The following UGT3A2 variants were observed in gnomAD, a reference collection of about 807,000 sequenced individuals.
The protein encoded by UGT3A2 is UDP glycosyltransferase family 3 member A2.
Under a neutral mutation model 39.8 loss-of-function variants are expected in UGT3A2, and 32 were observed. The observed-to-expected ratio is 0.80, with a 90% CI of 0.61 to 1.08. The LOEUF (loss-of-function observed/expected upper bound fraction) is 1.08. Ranked by LOEUF, UGT3A2 falls within the 50% of genes least tolerant of loss-of-function variation. The probability of loss-of-function intolerance (pLI) is 0.00; values close to 1 mark genes in which losing one functional copy is unlikely to be tolerated. For synonymous variants in UGT3A2, 241 were observed against 230.7 expected, an observed-to-expected ratio of 1.04 and a Z score of -0.40; for missense variants, 611 against 637.1, an observed-to-expected ratio of 0.96 and a Z score of 0.44.
chr5:36,049,228 A>T lies in UGT3A2; in HGVS notation c.504T>A (p.Thr168=). 1 of 1,614,212 alleles carries T rather than the reference A, an allele frequency of 6.2e-7. No individual in the cohort carries two copies. Among genetic ancestry groups the T allele is most frequent in the Non-Finnish European group, 8.5e-7 (1 of 1,180,028 alleles). ...LGKPFVAILS[T]SFGSLEFGLP... ...GCCCAAATTCCAAAGAGCCGAATGA[A>T]GTGGAAAGAATGGCCACAAATGGCT... Residue 168 remains threonine (T), a synonymous_variant, in exon 4 of 7, where the codon ACT becomes ACA. Transcript: ENST00000282507.
chr5:36,062,645 GTCTTGT>G (rs1742744994), intron 2 of UGT3A2, among the ~76,000 whole-genome samples: 1 of 152,068 alleles, frequency 6.6e-6, no homozygotes, highest in African/African-American at 2.4e-5. Flanking sequence ...GTTTACTGTA[GTCTTGT>G]AGTATAGTTT....
rs573022998 is a variant in UGT3A2 at position 36,035,216 on chromosome 5, A to G, written c.*482T>C. On this transcript the variant is annotated 3_prime_UTR_variant, in exon 7 of 7. Coordinates refer to ENST00000282507, the MANE Select transcript of UGT3A2 (RefSeq NM_174914.4). Reference sequence around the variant, plus strand: ...AGGCTTCCTGAGCATTGAAGAGAATATGTGGGAGAACAAAACAGAAACTGA... The same window carrying G: ...AGGCTTCCTGAGCATTGAAGAGAATGTGTGGGAGAACAAAACAGAAACTGA... 5.6e-6 allele frequency: 1 copy of G among 177,982 alleles called. No homozygotes were observed. The highest frequency in any genetic ancestry group is 1.3e-4 in the East Asian group (1 of 7,610). 11.0% of individuals were successfully genotyped at this position (177,982 alleles called of 1,614,324 possible). A position where few individuals can be genotyped will look rare whatever the true frequency, so the allele number is the denominator to read the frequency against.
chr5:36,041,332 A>T (rs1580998430), intron 4 of UGT3A2, among the ~76,000 whole-genome samples: 2 of 152,236 alleles, frequency 1.3e-5, no homozygotes, highest in Admixed American at 6.5e-5. Context: ...GGAAAGGTAG[A>T]GGCTTGAAAG....
At chr5:36,055,865 T>C (rs947511185) in intron 2 of UGT3A2, among the ~76,000 whole-genome samples, 3 of 152,360 alleles carry the variant, frequency 2.0e-5, no homozygotes, top group Admixed American at 1.3e-4. Flanking sequence ...GTCTGTGAGA[T>C]AGTGATGATC....
chr5:36,050,142 C>T (rs533160198), intron 3 of UGT3A2, among the ~76,000 whole-genome samples: 1 of 148,854 alleles, frequency 6.7e-6, no homozygotes, highest in Non-Finnish European at 1.5e-5. Context: ...TATTTGTTTA[C>T]TTATTTATAT....
At chr5:36,065,333 A>G (rs1473151988) in intron 1 of UGT3A2, among the ~76,000 whole-genome samples, 7 of 152,344 alleles carry the variant, frequency 4.6e-5, no homozygotes, top group Non-Finnish European at 8.8e-5. Context: ...CAAGGGACGT[A>G]TAAAGTACAA....
chr5:36,047,541 G>A (rs959513772), intron 4 of UGT3A2, among the ~76,000 whole-genome samples: 1 of 152,162 alleles, frequency 6.6e-6, no homozygotes, highest in African/African-American at 2.4e-5. Context: ...ATTCCAGCCA[G>A]CATACCACTT....
chr5:36,055,522 G>A (rs892808680), intron 2 of UGT3A2, among the ~76,000 whole-genome samples: 5 of 152,124 alleles, frequency 3.3e-5, no homozygotes, highest in African/African-American at 4.8e-5. Context: ...GTGAGCCACT[G>A]TGCCCGGCCT....
At chr5:36,048,411 A>C (rs777269065) in intron 4 of UGT3A2, among the ~76,000 whole-genome samples, 2 of 152,220 alleles carry the variant, frequency 1.3e-5, no homozygotes, top group African/African-American at 2.4e-5. Flanking sequence ...CTCTACAGGC[A>C]GGGAACCCTG....
At chr5:36,053,032 C>T (rs574348024) in intron 2 of UGT3A2, among the ~76,000 whole-genome samples, 43 of 152,334 alleles carry the variant, frequency 2.8e-4, no homozygotes, top group African/African-American at 9.9e-4. Context: ...AAACACAATG[C>T]ATGGCTACTC....
At chr5:36,052,473 A>ATTTTCACTCTTTGCCTCCG (rs1488754940) in intron 2 of UGT3A2, among the ~76,000 whole-genome samples, 1 of 152,006 alleles carries the variant, frequency 6.6e-6, no homozygotes, top group Admixed American at 6.6e-5. Flanking sequence ...GTCTGACTCC[A>ATTTTCACTCTTTGCCTCCG]TTTTCACTCT....
In UGT3A2 at chr5:36,064,367, A is replaced by G. The variant is rs776191395; in HGVS notation, c.95-17T>C. ...GGCTTCCACCTAGGAACAATGCACA[A>G]CTTCAGTTCTGGAATGATGAGAATA... On this transcript the variant is annotated splice_polypyrimidine_tract_variant and intron_variant, in intron 1 of 6. Coordinates refer to ENST00000282507, the MANE Select transcript of UGT3A2 (RefSeq NM_174914.4). The G allele has an allele frequency of 5.6e-6, 9 of 1,601,928 alleles. No individual in the cohort carries two copies. Among genetic ancestry groups the G allele is most frequent in the East Asian group, 4.5e-5 (2 of 44,800 alleles).
Position 36,051,972 on chromosome 5 carries a change from T to G in UGT3A2, c.209A>C (p.Glu70Ala). 2 of 1,563,750 alleles carry G rather than the reference T, an allele frequency of 1.3e-6. No individual in the cohort carries two copies. Among genetic ancestry groups the G allele is most frequent in the Non-Finnish European group, 1.7e-6 (2 of 1,162,814 alleles). Residue 70 changes from glutamate (E) to alanine (A), a missense_variant, in exon 3 of 7, where the codon GAA becomes GCA. Glu to Ala is a moderately radical substitution (Grantham distance 107). Coordinates refer to ENST00000282507, the MANE Select transcript of UGT3A2 (RefSeq NM_174914.4). ...RGPFMPDFKK[E>A]EKSYQVISWL... ...ACTGATAACTTGATATGATTTTTCT[T>G]CCTTTTTAAAATCTAAGAAAACAGC...
rs1242493094 is a variant in UGT3A2 at position 36,052,996 on chromosome 5, G to A, written c.197-1012C>T. Reference sequence around the variant, plus strand: ...CCATGCTGATTTTAACAGGCTCTCAGCCACAGTGTGTCTTTACCTTGGAAG... The same window carrying A: ...CCATGCTGATTTTAACAGGCTCTCAACCACAGTGTGTCTTTACCTTGGAAG... On this transcript the variant is annotated intron_variant, in intron 2 of 6. Coordinates refer to ENST00000282507, the MANE Select transcript of UGT3A2 (RefSeq NM_174914.4). Among the ~76,000 whole-genome samples the A allele has an allele frequency of 3.3e-5, 5 of 152,132 alleles. No homozygotes were observed. The East Asian group carries it at 7.7e-4, about 23-fold the overall frequency.
At chr5:36,063,907 A>T (rs1165294213) in intron 2 of UGT3A2, among the ~76,000 whole-genome samples, 2 of 152,192 alleles carry the variant, frequency 1.3e-5, no homozygotes, top group Non-Finnish European at 2.9e-5. Context: ...AAGTGCTGGG[A>T]TTACAGGTGT....
intron 2 of UGT3A2, among the ~76,000 whole-genome samples, chr5:36,056,480 C>T (rs1185369004): frequency 1.3e-5 from 2 of 152,166 alleles, no homozygotes; most frequent in Admixed American, 6.5e-5. Flanking sequence ...TTGCTGCGCA[C>T]GTGCAAGTAA....
Position 36,066,560 on chromosome 5 carries a change from C to G in UGT3A2, c.94+136G>C, listed in dbSNP as rs1054325862. 4.2e-5 allele frequency: 64 copies of G among 1,514,896 alleles called. No homozygotes were observed. The African/African-American group carries it at 7.5e-4, about 18-fold the overall frequency. 93.8% of individuals were successfully genotyped at this position (1,514,896 alleles called of 1,614,324 possible). ...CTGCCCCACAGCTGAATGGGCTTCT[C>G]CCTCCTCCAGCCGGGTCCGCAAGCC... is the stretch of plus-strand genomic sequence containing the variant. On this transcript the variant is annotated intron_variant, in intron 1 of 6. Coordinates refer to ENST00000282507, the MANE Select transcript of UGT3A2 (RefSeq NM_174914.4).
chr5:36,044,644 A>C (rs1742111975), intron 4 of UGT3A2, among the ~76,000 whole-genome samples: 2 of 152,220 alleles, frequency 1.3e-5, no homozygotes, highest in Non-Finnish European at 2.9e-5. Flanking sequence ...TGCAGGATAC[A>C]AAATCAATAT....
chr5:36,061,390 C>G (rs1170063969), intron 2 of UGT3A2, among the ~76,000 whole-genome samples: 1 of 109,090 alleles, frequency 9.2e-6, no homozygotes, highest in Middle Eastern at 6.2e-3. Context: ...TCCCTCCCCC[C>G]TCCCCCCACC....
Sources: gnomAD v4.1 joint callset for allele counts (sites outside exome capture counted in the v4.1 genomes callset) on GRCh38, gnomAD v4.1.1 for gene constraint, MANE v1.5 for transcripts, NCBI Gene and HGNC (gene_info 2026-07-23, HGNC 2026-07-21) for gene names.